CDKL1: variants seen among roughly 807,000 people sequenced by gnomAD.
The protein encoded by CDKL1 is cyclin dependent kinase like 1, also known as cyclin-dependent kinase-like 1.
In CDKL1, 41 loss-of-function variants were observed where a neutral mutation model predicts 42.0. That is an observed-to-expected ratio of 0.98 (90% confidence interval 0.76 to 1.27). The LOEUF (loss-of-function observed/expected upper bound fraction) is 1.27. Among genes scored for constraint, CDKL1 ranks in the 50% most tolerant of loss-of-function variants. The pLI is 0.00. For synonymous variants in CDKL1, 153 were observed against 158.6 expected, an observed-to-expected ratio of 0.96 and a Z score of 0.26; for missense variants, 394 against 428.4, an observed-to-expected ratio of 0.92 and a Z score of 0.71.
intron 2 of CDKL1, among the ~76,000 whole-genome samples, chr14:50,375,415 C>A (rs889149538): frequency 1.3e-5 from 2 of 152,244 alleles, no homozygotes; most frequent in Non-Finnish European, 2.9e-5. Flanking sequence ...AGCCTAACTT[C>A]TCCCTCTGTA....
At chr14:50,392,274 T>C (rs1236658269) in intron 2 of CDKL1, among the ~76,000 whole-genome samples, 2 of 151,894 alleles carry the variant, frequency 1.3e-5, no homozygotes, top group Admixed American at 6.6e-5. Flanking sequence ...GGTGAAACCC[T>C]CTCTCTACTA....
upstream of CDKL1, chr14:50,397,113 C>T (rs754393887): frequency 7.3e-7 from 1 of 1,363,118 alleles, no homozygotes; most frequent in Admixed American, 1.9e-5. Flanking sequence ...CAAACTTCCG[C>T]AGGCCGTGCA....
chr14:50,342,945 C>T (rs1364099610), intron 4 of CDKL1: 2 of 1,357,300 alleles, frequency 1.5e-6, no homozygotes, highest in South Asian at 2.3e-5. Context: ...CTGTCCCACA[C>T]ACAAGTGCTC....
At chr14:50,335,356 A>G (rs2033205736) in intron 7 of CDKL1, 1 of 739,270 alleles carries the variant, frequency 1.4e-6, no homozygotes, top group Admixed American at 2.8e-5. Context: ...AGGGAGCTGC[A>G]AAATAGATGT....
chr14:50,329,438 T>C lies in CDKL1; in HGVS notation c.*636A>G, dbSNP rs2032824074. 6.6e-6 allele frequency: 1 copy of C among 152,344 alleles called. No homozygotes were observed. The highest frequency in any genetic ancestry group is 1.5e-5 in the Non-Finnish European group (1 of 68,154). 9.4% of individuals were successfully genotyped at this position (152,344 alleles called of 1,614,324 possible). A position where few individuals can be genotyped will look rare whatever the true frequency, so the allele number is the denominator to read the frequency against. On this transcript the variant is annotated 3_prime_UTR_variant, in exon 10 of 10. Coordinates refer to ENST00000395834, the MANE Select transcript of CDKL1 (RefSeq NM_004196.7). ...AAAGTGACTAAGGTGTATCCTTTAC[T>C]GATAAAGTAAGGATGAAATGTGGAA...
chr14:50,332,114 C>T (rs1438236653), intron 9 of CDKL1, 148 bp downstream of exon 9: 1 of 1,601,606 alleles, frequency 6.2e-7, no homozygotes, highest in African/African-American at 1.3e-5. Context: ...AGACAGATGT[C>T]CCTGGGGCCC....
intron 7 of CDKL1, among the ~76,000 whole-genome samples, chr14:50,337,328 CT>C (rs545014608): frequency 0.013 from 1,844 of 138,798 alleles, 18 homozygotes; most frequent in African/African-American, 0.03. Flanking sequence ...TTATAACCGT[CT>C]TTTTTTTTTT....
chr14:50,349,666 A>G (rs185918828), intron 3 of CDKL1, among the ~76,000 whole-genome samples: 16 of 152,328 alleles, frequency 1.1e-4, no homozygotes, highest in Admixed American at 3.9e-4. Context: ...ACAGCTCTGG[A>G]AGAGTCTGGG....
chr14:50,373,580 C>CA (rs768910092), intron 2 of CDKL1, among the ~76,000 whole-genome samples: 38 of 152,206 alleles, frequency 2.5e-4, no homozygotes, highest in Non-Finnish European at 4.1e-4. Context: ...ACATTAAAAC[C>CA]AAACGGACCA....
At chr14:50,346,454 C>G (rs1388795739) in intron 3 of CDKL1, among the ~76,000 whole-genome samples, 1 of 151,762 alleles carries the variant, frequency 6.6e-6, no homozygotes, top group Middle Eastern at 3.2e-3. Context: ...TTTTCCCCAG[C>G]CTCCACTTTT....
intron 2 of CDKL1, among the ~76,000 whole-genome samples, chr14:50,373,847 C>T (rs1389737590): frequency 6.6e-6 from 1 of 152,098 alleles, no homozygotes; most frequent in East Asian, 1.9e-4. Context: ...ATCAGACAGC[C>T]ACTTTGGAAA....
At chr14:50,341,893 A>G (rs2033556520) in intron 5 of CDKL1, among the ~76,000 whole-genome samples, 1 of 152,226 alleles carries the variant, frequency 6.6e-6, no homozygotes, top group Admixed American at 6.5e-5. Flanking sequence ...GGTAGAAATC[A>G]GGGAGGTAAG....
At chr14:50,349,888 C>T (rs1297919512) in intron 3 of CDKL1, among the ~76,000 whole-genome samples, 2 of 152,192 alleles carry the variant, frequency 1.3e-5, no homozygotes, top group South Asian at 2.1e-4. Flanking sequence ...CCTGCCTCAG[C>T]CGCCCAAGTA....
At chr14:50,390,294 T>C (rs1445114941) in intron 2 of CDKL1, 1 of 1,366,350 alleles carries the variant, frequency 7.3e-7, no homozygotes, top group South Asian at 1.1e-5. Flanking sequence ...AGGTAGAACG[T>C]CTGCCCAGGG....
At chr14:50,331,829 C>T in intron 9 of CDKL1, 1 of 596,152 alleles carries the variant, frequency 1.7e-6, no homozygotes, top group Non-Finnish European at 2.9e-6. Flanking sequence ...TTGCCCTAGC[C>T]AACTCTGACA....
chr14:50,345,577 A>C (rs377077835), intron 3 of CDKL1, among the ~76,000 whole-genome samples: 2 of 152,218 alleles, frequency 1.3e-5, no homozygotes, highest in East Asian at 1.9e-4. Context: ...TGAAGACTTT[A>C]CTGATTATAG....
intron 2 of CDKL1, among the ~76,000 whole-genome samples, chr14:50,380,804 T>TTGTTTTTTTTTTTC (rs201857769): frequency 6.8e-6 from 1 of 147,692 alleles, no homozygotes; most frequent in African/African-American, 2.5e-5. Context: ...GTGACTTCCT[T>TTGTTTTTTTTTTTC]TTTTTTTTGG....
intron 7 of CDKL1, among the ~76,000 whole-genome samples, chr14:50,338,350 C>A (rs1595267387): frequency 6.6e-6 from 1 of 152,262 alleles, no homozygotes; most frequent in African/African-American, 2.4e-5. Context: ...GCCTCAGCCT[C>A]CTGAGTAGCT....
At chr14:50,336,051 A>C (rs1240600556) in intron 7 of CDKL1, 23 of 1,366,340 alleles carry the variant, frequency 1.7e-5, no homozygotes, top group Non-Finnish European at 2.3e-5. Context: ...TCTGAGCATC[A>C]CTGGGGTTTG....
Sources: gnomAD v4.1 joint callset for allele counts (sites outside exome capture counted in the v4.1 genomes callset) on GRCh38, gnomAD v4.1.1 for gene constraint, MANE v1.5 for transcripts, NCBI Gene and HGNC (gene_info 2026-07-23, HGNC 2026-07-21) for gene names.